The following SPAST variants were observed in gnomAD, a reference collection of about 807,000 sequenced individuals.
SPAST encodes spastin, also known as spastic paraplegia 4 (autosomal dominant; spastin).
In SPAST, 30 loss-of-function variants were observed where a neutral mutation model predicts 76.6. That is an observed-to-expected ratio of 0.39 (90% CI 0.29 to 0.53). SPAST has a LOEUF of 0.53. SPAST is among the 20% of genes least tolerant of loss of function. The pLI is 0.68. For synonymous variants in SPAST, 305 were observed against 281.0 expected (o/e 1.09, Z -0.86); for missense variants, 717 against 770.5 (o/e 0.93, Z 0.82).
rs542281132 is a variant in SPAST at position 32,072,814 on chromosome 2, C to G, written c.415+8568C>G. On this transcript the variant is annotated intron_variant, in intron 1 of 16. Coordinates refer to ENST00000315285, the MANE Select transcript of SPAST (RefSeq NM_014946.4). ...TTCTTACACTGCTGAAAACCTATAC[C>G]TACCACTTTGAAAGGATTAATTTCA... 2.0e-5 allele frequency among the ~76,000 whole-genome samples: 3 copies of G among 152,160 alleles called. No homozygotes were observed. In the East Asian group the frequency reaches 5.8e-4, roughly 29 times the overall value.
rs186243030 is a variant in SPAST, at chr2:32,108,258, G to A, written c.683-6380G>A. Among the ~76,000 whole-genome samples, 3 of 152,230 alleles carry A rather than the reference G, an allele frequency of 2.0e-5. No individual in the cohort carries two copies. In the East Asian group the frequency reaches 5.8e-4, roughly 29 times the overall value. ...TAGTTACTGAAATTAAAAATTTACA[G>A]ACAACAGCCTCAACAGCAGATTAGA... On this transcript the variant is annotated intron_variant, in intron 4 of 16. Transcript: ENST00000315285.
intron 4 of SPAST, among the ~76,000 whole-genome samples, chr2:32,100,771 C>G (rs1678090144): frequency 1.3e-5 from 2 of 152,126 alleles, no homozygotes; most frequent in Admixed American, 1.3e-4. Context: ...TCATCCATGT[C>G]CCTACAAAGG....
intron 8 of SPAST, 78 bp from the exon 9 acceptor site, chr2:32,128,330 C>G: frequency 9.3e-7 from 1 of 1,079,748 alleles, no homozygotes; most frequent in Non-Finnish European, 1.4e-6. Flanking sequence ...TTTTCTAGTA[C>G]TTAAATCGGT....
rs145767469 is a variant in SPAST, at chr2:32,128,961, C to T, written c.1245+482C>T. 1,055 of 193,462 alleles carry T rather than the reference C, an allele frequency of 5.5e-3. 18 individuals carry two copies. Among genetic ancestry groups the T allele is most frequent in the African/African-American group, 0.023 (969 of 42,308 alleles). The allele number at this position is 193,462 out of a possible 1,614,324, so 12.0% of individuals were successfully genotyped here. ...GTCTGTCACCATGTCCAAATTTCCC[C>T]TGTGGATTAGGACCCACCCTAATGA... On this transcript the variant is annotated intron_variant, in intron 9 of 16. Transcript: ENST00000315285.
At chr2:32,133,655 T>TAAA (rs573039556) in intron 9 of SPAST, among the ~76,000 whole-genome samples, 1 of 142,470 alleles carries the variant, frequency 7.0e-6, no homozygotes. Flanking sequence ...TATCTATTAT[T>TAAA]AAAAAAAAAA....
At chr2:32,152,117 C>T (rs1680103387) in intron 16 of SPAST, among the ~76,000 whole-genome samples, 1 of 152,042 alleles carries the variant, frequency 6.6e-6, no homozygotes, top group African/African-American at 2.4e-5. Context: ...GATAAGACAA[C>T]TTTTCTACTT....
intron 15 of SPAST, among the ~76,000 whole-genome samples, chr2:32,146,372 A>G (rs2148761989): frequency 6.6e-6 from 1 of 151,430 alleles, no homozygotes; most frequent in African/African-American, 2.4e-5. Context: ...TAGACTGGGC[A>G]ACATAGGGAG....
intron 4 of SPAST, among the ~76,000 whole-genome samples, chr2:32,111,970 TTAG>T (rs55815291): frequency 0.45 from 63,819 of 140,930 alleles, 14,701 homozygotes; most frequent in Non-Finnish European, 0.52. Flanking sequence ...TATAATTAAG[TTAG>T]TAGTAGTAGT....
chr2:32,067,605 CATTTTT>C (rs1277371778), intron 1 of SPAST, among the ~76,000 whole-genome samples: 2 of 151,802 alleles, frequency 1.3e-5, no homozygotes, highest in Admixed American at 1.3e-4. Context: ...TCCTCCTAAA[CATTTTT>C]ATTTTTCAGT....
chr2:32,067,644 A>G (rs1039561803), intron 1 of SPAST, among the ~76,000 whole-genome samples: 8 of 151,720 alleles, frequency 5.3e-5, no homozygotes, highest in Non-Finnish European at 8.8e-5. Context: ...ATATATAAAA[A>G]TAATTATTTA....
intron 4 of SPAST, among the ~76,000 whole-genome samples, chr2:32,108,999 C>T (rs942624312): frequency 2.0e-5 from 3 of 151,844 alleles, no homozygotes; most frequent in Non-Finnish European, 4.4e-5. Flanking sequence ...CTCCTGACCT[C>T]GATCCACCTG....
chr2:32,144,547 T>C (rs72863925), intron 14 of SPAST, among the ~76,000 whole-genome samples: 236 of 152,290 alleles, frequency 1.5e-3, no homozygotes, highest in African/African-American at 5.4e-3. Context: ...AAACTAGTTT[T>C]TACTCTTATT....
intron 1 of SPAST, among the ~76,000 whole-genome samples, chr2:32,080,774 G>A (rs1489095072): frequency 6.8e-6 from 1 of 147,656 alleles, no homozygotes; most frequent in Non-Finnish European, 1.5e-5. Context: ...TGTATGGTCT[G>A]GCTCAGTTCT....
intron 1 of SPAST, among the ~76,000 whole-genome samples, chr2:32,071,310 A>T (rs571421090): frequency 2.7e-3 from 408 of 152,254 alleles, no homozygotes; most frequent in Non-Finnish European, 4.8e-3. Flanking sequence ...TCTAAATAAA[A>T]TTTTTTCTAT....
chr2:32,087,943 G>GTGCAATCTCGGCTCAC (rs1472855549), intron 2 of SPAST, among the ~76,000 whole-genome samples: 1 of 151,434 alleles, frequency 6.6e-6, no homozygotes, highest in African/African-American at 2.4e-5. Flanking sequence ...TAGTGCAATG[G>GTGCAATCTCGGCTCAC]TGCAATCTCG....
intron 4 of SPAST, among the ~76,000 whole-genome samples, chr2:32,103,867 G>A (rs1200228604): frequency 6.6e-6 from 1 of 152,158 alleles, no homozygotes; most frequent in Non-Finnish European, 1.5e-5. Flanking sequence ...TACATTTGCT[G>A]AGGAGTGCTT....
chr2:32,116,022 A>G (rs975783190), intron 6 of SPAST, 97 bp from the exon 7 acceptor site: 8 of 1,008,478 alleles, frequency 7.9e-6, no homozygotes, highest in Admixed American at 2.0e-5. Flanking sequence ...TTAACAGTTA[A>G]CATTAAAAAT....
Position 32,153,287 on chromosome 2 carries a change from G to A in SPAST, c.1729-1087G>A, listed in dbSNP as rs116113769. On this transcript the variant is annotated intron_variant, in intron 16 of 16. Coordinates refer to ENST00000315285, the MANE Select transcript of SPAST (RefSeq NM_014946.4). ...TACGCTAGAAATGATTTTTAACACAGGTCATTTATGCCAAACTGCATTTTG... is the reference window on the plus strand; with the variant it reads ...TACGCTAGAAATGATTTTTAACACAAGTCATTTATGCCAAACTGCATTTTG... Among the ~76,000 whole-genome samples the A allele has an allele frequency of 8.6e-3, 1,294 of 150,860 alleles. 18 individuals are homozygous for A. The highest frequency in any genetic ancestry group is 0.03 in the African/African-American group (1,246 of 41,138).
rs1679783169 is a variant in SPAST at position 32,143,322 on chromosome 2, T to A, written c.1537-14T>A. On this transcript the variant is annotated splice_polypyrimidine_tract_variant and intron_variant, in intron 13 of 16. Transcript: ENST00000315285. Reference sequence around the variant, plus strand: ...TGAAATTAGACTGAATGATCATTTTTTAATATTTTTCAGACAAGACTACTT... The same window carrying A: ...TGAAATTAGACTGAATGATCATTTTATAATATTTTTCAGACAAGACTACTT... 3 of 1,417,142 alleles carry A rather than the reference T, an allele frequency of 2.1e-6. No homozygotes were observed. Among genetic ancestry groups the A allele is most frequent in the Non-Finnish European group, 3.0e-6 (3 of 1,003,606 alleles). 87.8% of individuals were successfully genotyped at this position (1,417,142 alleles called of 1,614,324 possible).
Sources: gnomAD v4.1 joint callset for allele counts (sites outside exome capture counted in the v4.1 genomes callset) on GRCh38, gnomAD v4.1.1 for gene constraint, MANE v1.5 for transcripts, NCBI Gene and HGNC (gene_info 2026-07-23, HGNC 2026-07-21) for gene names.